The following VWC2 variants were observed in gnomAD, a reference collection of about 807,000 sequenced individuals.
VWC2 encodes von Willebrand factor C domain containing 2.
Under a neutral mutation model 29.8 loss-of-function variants are expected in VWC2, and 14 were observed. The ratio of observed to expected loss-of-function variants is 0.47; its 90% CI spans 0.31 to 0.74. The LOEUF (loss-of-function observed/expected upper bound fraction) is 0.74, where lower values mean the gene tolerates loss of function less well. Ranked by LOEUF, VWC2 falls within the 30% of genes least tolerant of loss-of-function variation. VWC2 has a pLI of 0.05. For synonymous variants in VWC2, 213 were observed against 199.0 expected, an observed-to-expected ratio of 1.07 and a Z score of -0.59; for missense variants, 457 against 459.8, an observed-to-expected ratio of 0.99 and a Z score of 0.05.
chr7:49,889,592 T>A (rs768853491), intron 3 of VWC2, among the ~76,000 whole-genome samples: 1 of 152,198 alleles, frequency 6.6e-6, no homozygotes, highest in Non-Finnish European at 1.5e-5. Context: ...TACAGGGTGA[T>A]GACCTAGTCA....
Position 49,802,821 on chromosome 7 carries a change from C to T in VWC2, c.807C>T (p.Cys269=). 6.2e-7 allele frequency: 1 copy of T among 1,614,218 alleles called. No individual in the cohort carries two copies. The highest frequency in any genetic ancestry group is 8.5e-7 in the Non-Finnish European group (1 of 1,180,040). ...CVDPVYEPDQ[C]CPICKNGPNC... ...ACCCTGTGTACGAGCCTGATCAGTG[C>T]TGTCCCATCTGCAAAAATGGTATGT... Residue 269 remains cysteine, a synonymous_variant, in exon 3 of 4, where the codon TGC becomes TGT. Transcript: ENST00000340652.
At chr7:49,849,696 A>G (rs565601772) in intron 3 of VWC2, among the ~76,000 whole-genome samples, 1 of 152,330 alleles carries the variant, frequency 6.6e-6, no homozygotes, top group East Asian at 1.9e-4. Context: ...TATTTATTTC[A>G]GGGAGATTGT....
chr7:49,776,151 CGGGCGACT>C lies in VWC2; in HGVS notation c.696+21_696+28del. 1 of 1,490,762 alleles carries C rather than the reference CGGGCGACT, an allele frequency of 6.7e-7. No individual in the cohort carries two copies. Among genetic ancestry groups the C allele is most frequent in the Non-Finnish European group, 8.9e-7 (1 of 1,118,980 alleles). 92.3% of individuals were successfully genotyped at this position (1,490,762 alleles called of 1,614,324 possible). A position where few individuals can be genotyped will look rare whatever the true frequency, so the allele number is the denominator to read the frequency against. The stretch of plus-strand genomic sequence containing the variant: ...TTCGTGGTAAGATGCGAACGCCCGC[CGGGCGACT>C]TTGCACCTTCCAGGAAGGGGTGGAA... On this transcript the variant is annotated intron_variant, in intron 2 of 3. Transcript: ENST00000340652.
At chr7:49,802,972 ACG>A in intron 3 of VWC2, 132 bp downstream of exon 3, 10 of 1,122,954 alleles carry the variant, frequency 8.9e-6, no homozygotes, top group Non-Finnish European at 1.3e-5. Flanking sequence ...ATGCGTACAC[ACG>A]TGTGTAATCT....
Position 49,898,576 on chromosome 7 carries a change from A to G in VWC2, c.827-13458A>G, listed in dbSNP as rs1156959126. On this transcript the variant is annotated intron_variant, in intron 3 of 3. Coordinates refer to ENST00000340652, the MANE Select transcript of VWC2 (RefSeq NM_198570.5). ...TTTTCTTACAACACATTACATATGTATATACACACACACATATCATAAGCA... is the reference window on the plus strand; with the variant it reads ...TTTTCTTACAACACATTACATATGTGTATACACACACACATATCATAAGCA... Among the ~76,000 whole-genome samples, 8 of 152,098 alleles carry G rather than the reference A, an allele frequency of 5.3e-5. No homozygotes were observed. In the East Asian group the frequency reaches 1.2e-3, roughly 22 times the overall value.
chr7:49,811,261 C>T (rs1302912556), intron 3 of VWC2, among the ~76,000 whole-genome samples: 1 of 152,132 alleles, frequency 6.6e-6, no homozygotes, highest in Non-Finnish European at 1.5e-5. Context: ...TGATGCTCAA[C>T]CTCAACCTGG....
intron 2 of VWC2, among the ~76,000 whole-genome samples, chr7:49,787,513 TG>T (rs771014176): frequency 6.6e-6 from 1 of 152,200 alleles, no homozygotes; most frequent in Non-Finnish European, 1.5e-5. Context: ...AACTATGCTC[TG>T]GGGACATGGA....
intron 2 of VWC2, among the ~76,000 whole-genome samples, chr7:49,782,859 A>C (rs1266517070): frequency 6.6e-6 from 1 of 151,648 alleles, no homozygotes; most frequent in Non-Finnish European, 1.5e-5. Context: ...ATCTTAAAAA[A>C]CAGAAAAGAA....
chr7:49,811,123 AG>A (rs60058895), intron 3 of VWC2, among the ~76,000 whole-genome samples: 2,255 of 152,342 alleles, frequency 0.015, 59 homozygotes, highest in African/African-American at 0.05. Flanking sequence ...GTCTGATAAA[AG>A]ACTTGTATCC....
intron 3 of VWC2, among the ~76,000 whole-genome samples, chr7:49,826,263 T>A (rs542384322): frequency 5.5e-4 from 84 of 152,324 alleles, no homozygotes; most frequent in Admixed American, 1.4e-3. Context: ...TCTTCCATTT[T>A]TAGTCTCCAA....
rs372844627 is a variant in VWC2, at chr7:49,900,633, T to A, written c.827-11401T>A. Among the ~76,000 whole-genome samples the A allele has an allele frequency of 1.3e-4, 20 of 151,890 alleles. No homozygotes were observed. The East Asian group carries it at 2.9e-3, about 22-fold the overall frequency. The stretch of plus-strand genomic sequence containing the variant: ...ATGAAATAGATACTCCAAATAGGTC[T>A]ATATATATAAAAGAGATATAATCAA... On this transcript the variant is annotated intron_variant, in intron 3 of 3. Coordinates refer to ENST00000340652, the MANE Select transcript of VWC2 (RefSeq NM_198570.5).
intron 3 of VWC2, among the ~76,000 whole-genome samples, chr7:49,873,040 C>T (rs1323438660): frequency 6.7e-6 from 1 of 149,154 alleles, no homozygotes; most frequent in Non-Finnish European, 1.5e-5. Flanking sequence ...GTACTGATGA[C>T]AAGAATGATA....
At chr7:49,849,198 G>T (rs1790077882) in intron 3 of VWC2, among the ~76,000 whole-genome samples, 1 of 152,132 alleles carries the variant, frequency 6.6e-6, no homozygotes, top group African/African-American at 2.4e-5. Context: ...CTCGGCTGTG[G>T]GGGGAAACCA....
At chr7:49,897,535 G>A (rs1477434540) in intron 3 of VWC2, among the ~76,000 whole-genome samples, 1 of 152,156 alleles carries the variant, frequency 6.6e-6, no homozygotes, top group Non-Finnish European at 1.5e-5. Flanking sequence ...TAGAAGCTTG[G>A]AAGTTGCAAC....
At chr7:49,897,916 C>A (rs1439886361) in intron 3 of VWC2, among the ~76,000 whole-genome samples, 3 of 152,168 alleles carry the variant, frequency 2.0e-5, no homozygotes, top group African/African-American at 4.8e-5. Flanking sequence ...GCTCACACTT[C>A]TTGCAGGGGG....
intron 3 of VWC2, among the ~76,000 whole-genome samples, chr7:49,896,575 A>C (rs1254978139): frequency 6.6e-6 from 1 of 152,210 alleles, no homozygotes; most frequent in African/African-American, 2.4e-5. Context: ...ACAAAAAATC[A>C]TGTAAGAAAA....
intron 3 of VWC2, among the ~76,000 whole-genome samples, chr7:49,811,325 G>A (rs1251842829): frequency 6.6e-6 from 1 of 152,158 alleles, no homozygotes; most frequent in Non-Finnish European, 1.5e-5. Flanking sequence ...ATCTCCACAT[G>A]TTGTGGGAGG....
chr7:49,857,326 C>T (rs1243463798), intron 3 of VWC2, among the ~76,000 whole-genome samples: 1 of 152,184 alleles, frequency 6.6e-6, no homozygotes. Flanking sequence ...AGCATAATGT[C>T]CTCAAGGTTC....
chr7:49,868,414 A>G (rs1339295398), intron 3 of VWC2, among the ~76,000 whole-genome samples: 3 of 152,170 alleles, frequency 2.0e-5, no homozygotes, highest in Non-Finnish European at 4.4e-5. Flanking sequence ...TATTTGTGAG[A>G]TGAAGCACAT....
Sources: gnomAD v4.1 joint callset for allele counts (sites outside exome capture counted in the v4.1 genomes callset) on GRCh38, gnomAD v4.1.1 for gene constraint, MANE v1.5 for transcripts, NCBI Gene and HGNC (gene_info 2026-07-23, HGNC 2026-07-21) for gene names.